KAZN: variants seen among roughly 807,000 people sequenced by gnomAD.
The protein encoded by KAZN is kazrin, periplakin interacting protein, also known as kazrin.
KAZN carries 40 observed loss-of-function variants against 87.4 expected under a neutral mutation model. The ratio of observed to expected loss-of-function variants is 0.46; its 90% CI spans 0.36 to 0.60. The LOEUF (loss-of-function observed/expected upper bound fraction) is 0.60, where lower values mean the gene tolerates loss of function less well. Ranked by LOEUF, KAZN falls within the 20% of genes least tolerant of loss-of-function variation. The pLI is 0.00. For missense variants in KAZN, 898 were observed against 1,073.9 expected (o/e 0.84, Z 2.29); for synonymous variants, 466 against 458.3 (o/e 1.02, Z -0.22).
At chr1:13,900,729 C>T (rs1005280472) in intron 1 of KAZN, among the ~76,000 whole-genome samples, 1 of 152,244 alleles carries the variant, frequency 6.6e-6, no homozygotes, top group East Asian at 1.9e-4. Flanking sequence ...GCTGTGTGAC[C>T]TTGGGCAAGT....
intron 1 of KAZN, among the ~76,000 whole-genome samples, chr1:14,116,630 C>T (rs1008318996): frequency 3.9e-5 from 6 of 152,208 alleles, no homozygotes; most frequent in Admixed American, 3.3e-4. Context: ...CAGAGCCCCC[C>T]ACATGGAGTC....
At chr1:14,942,827 A>G (rs1661250067) in intron 1 of KAZN, among the ~76,000 whole-genome samples, 1 of 152,108 alleles carries the variant, frequency 6.6e-6, no homozygotes, top group Non-Finnish European at 1.5e-5. Flanking sequence ...ACCTGGAAGG[A>G]TGCTTCTCTG....
At chr1:15,076,431 T>C (rs1015263876) in intron 8 of KAZN, among the ~76,000 whole-genome samples, 4 of 152,198 alleles carry the variant, frequency 2.6e-5, no homozygotes, top group African/African-American at 9.7e-5. Context: ...ATGCCAGCTG[T>C]GCAACACCGA....
At chr1:13,923,474 G>A (rs916874230) in intron 1 of KAZN, among the ~76,000 whole-genome samples, 10 of 151,008 alleles carry the variant, frequency 6.6e-5, no homozygotes, top group South Asian at 2.1e-4. Context: ...TGGGGAGGCT[G>A]AGGCAGGAGA....
At chr1:14,218,229 T>C (rs956261928) in intron 2 of KAZN, among the ~76,000 whole-genome samples, 1 of 152,116 alleles carries the variant, frequency 6.6e-6, no homozygotes, top group African/African-American at 2.4e-5. Flanking sequence ...TGGAAGAAAG[T>C]AAATATAAAT....
intron 1 of KAZN, among the ~76,000 whole-genome samples, chr1:13,914,741 G>A (rs940234426): frequency 4.6e-5 from 7 of 152,222 alleles, no homozygotes; most frequent in Admixed American, 3.9e-4. Flanking sequence ...ACTTTGGAAG[G>A]CCAAATTGGG....
intron 13 of KAZN, chr1:15,111,860 A>T (rs1212435356): frequency 6.5e-6 from 1 of 153,790 alleles, no homozygotes; most frequent in Non-Finnish European, 1.4e-5. Context: ...GGCCAGCTGG[A>T]TTTGACCTGC....
chr1:14,472,539 A>T (rs761895541), intron 2 of KAZN, among the ~76,000 whole-genome samples: 10 of 151,994 alleles, frequency 6.6e-5, no homozygotes, highest in Non-Finnish European at 1.3e-4. Context: ...TCACATGGCC[A>T]CCCCATCTTC....
chr1:14,753,705 C>G (rs1201642361), intron 1 of KAZN, among the ~76,000 whole-genome samples: 1 of 152,220 alleles, frequency 6.6e-6, no homozygotes, highest in African/African-American at 2.4e-5. Context: ...GCAGGCAGAG[C>G]TGAAGGACTG....
intron 1 of KAZN, among the ~76,000 whole-genome samples, chr1:14,680,977 G>A (rs1034717913): frequency 1.3e-5 from 2 of 152,204 alleles, no homozygotes; most frequent in Non-Finnish European, 2.9e-5. Context: ...AGTCATGGCA[G>A]AAGATGTAGA....
At chr1:14,162,234 A>G (rs1247504104) in intron 1 of KAZN, among the ~76,000 whole-genome samples, 1 of 152,156 alleles carries the variant, frequency 6.6e-6, no homozygotes, top group East Asian at 1.9e-4. Flanking sequence ...GGATCCATAG[A>G]CCACTTTTCT....
At chr1:15,084,512 A>G (rs759946309) in intron 8 of KAZN, among the ~76,000 whole-genome samples, 1 of 152,262 alleles carries the variant, frequency 6.6e-6, no homozygotes, top group African/African-American at 2.4e-5. Context: ...CAAAAGCTGT[A>G]AGCTAACACC....
intron 13 of KAZN, among the ~76,000 whole-genome samples, chr1:15,111,649 A>C (rs1423949119): frequency 6.6e-6 from 1 of 152,180 alleles, no homozygotes; most frequent in African/African-American, 2.4e-5. Context: ...CTCTTGCCCC[A>C]AATCTGTTTA....
At chr1:15,052,981 CCTCCAAGGGCTGCCTGTTTCAGGG>C (rs778012303) in intron 4 of KAZN, among the ~76,000 whole-genome samples, 5 of 152,220 alleles carry the variant, frequency 3.3e-5, no homozygotes, top group Non-Finnish European at 7.3e-5. Flanking sequence ...TCCCGTGCTC[CCTCCAAGGGCTGCCTGTTTCAGGG>C]GCTGGCTTGT....
chr1:14,556,026 C>A (rs1187655753), intron 2 of KAZN, among the ~76,000 whole-genome samples: 1 of 152,132 alleles, frequency 6.6e-6, no homozygotes, highest in Non-Finnish European at 1.5e-5. Flanking sequence ...ATGTTGTTTA[C>A]CTGAAACCAC....
intron 2 of KAZN, among the ~76,000 whole-genome samples, chr1:14,258,079 T>C (rs1156963401): frequency 6.7e-6 from 1 of 150,274 alleles, no homozygotes; most frequent in Non-Finnish European, 1.5e-5. Context: ...ACTGAACGGA[T>C]GAAGAGAGAG....
At chr1:14,477,963 C>T (rs1217592239) in intron 2 of KAZN, among the ~76,000 whole-genome samples, 1 of 152,164 alleles carries the variant, frequency 6.6e-6, no homozygotes, top group Admixed American at 6.5e-5. Flanking sequence ...CCAAGCAACG[C>T]CTCTGCTGCA....
intron 1 of KAZN, among the ~76,000 whole-genome samples, chr1:14,050,713 C>T (rs758315858): frequency 2.6e-5 from 4 of 152,104 alleles, no homozygotes; most frequent in Non-Finnish European, 5.9e-5. Context: ...CTCTCAGCCT[C>T]CTCCCTCTCC....
chr1:14,537,706 G>T (rs757603064), intron 2 of KAZN, among the ~76,000 whole-genome samples: 1 of 152,206 alleles, frequency 6.6e-6, no homozygotes, highest in Non-Finnish European at 1.5e-5. Context: ...GCTTTGGAAA[G>T]TTGGAAGAGC....
Sources: allele counts gnomAD v4.1 joint callset (sites outside exome capture counted in the v4.1 genomes callset), GRCh38; gene constraint gnomAD v4.1.1; transcripts MANE v1.5; gene names NCBI Gene and HGNC (gene_info 2026-07-23, HGNC 2026-07-21).